Variants in ROCK1 observed in about 807,000 individuals in gnomAD.
ROCK1 encodes the protein rho-associated protein kinase 1.
In ROCK1, 36 loss-of-function variants were observed where a neutral mutation model predicts 196.8. The observed-to-expected ratio is 0.18, with a 90% confidence interval of 0.14 to 0.24. ROCK1 has a LOEUF of 0.24. Among genes scored for constraint, ROCK1 ranks in the 10% least tolerant of loss-of-function variants. The probability of loss-of-function intolerance (pLI) is 1.00; values close to 1 mark genes in which losing one functional copy is unlikely to be tolerated. For synonymous variants in ROCK1, 443 were observed against 515.9 expected (o/e 0.86, Z 1.91); for missense variants, 920 against 1,562.0 (o/e 0.59, Z 6.93).
chr18:21,069,528 T>C (rs2036365870), intron 2 of ROCK1, among the ~76,000 whole-genome samples: 1 of 152,084 alleles, frequency 6.6e-6, no homozygotes, highest in African/African-American at 2.4e-5. Flanking sequence ...AGCAACAAAG[T>C]AGCACAGTTT....
intron 16 of ROCK1, among the ~76,000 whole-genome samples, chr18:21,000,464 C>T (rs796501623): frequency 8.5e-5 from 13 of 152,070 alleles, no homozygotes; most frequent in South Asian, 4.1e-4. Context: ...GGTTTTGCCA[C>T]GTTGCCCAGG....
At chr18:21,076,269 C>CA (rs2036430521) in intron 1 of ROCK1, among the ~76,000 whole-genome samples, 1 of 152,026 alleles carries the variant, frequency 6.6e-6, no homozygotes, top group African/African-American at 2.4e-5. Context: ...TTTGGGAGGC[C>CA]AAGGCAGGAG....
chr18:21,042,878 TATAC>T (rs1280941338), intron 6 of ROCK1, among the ~76,000 whole-genome samples, 169 bp from the exon 7 acceptor site: 1 of 152,154 alleles, frequency 6.6e-6, no homozygotes, highest in Admixed American at 6.6e-5. Context: ...TAATCATATA[TATAC>T]ATACTATATA....
chr18:20,980,949 T>C (rs1337007866), intron 21 of ROCK1, among the ~76,000 whole-genome samples: 1 of 150,116 alleles, frequency 6.7e-6, no homozygotes, highest in Non-Finnish European at 1.5e-5. Flanking sequence ...TATAGCTTAA[T>C]AAAGTGTATT....
chr18:21,028,660 A>G, intron 10 of ROCK1, 116 bp downstream of exon 10: 2 of 833,956 alleles, frequency 2.4e-6, no homozygotes, highest in Non-Finnish European at 3.6e-6. Context: ...TCAATGAAAA[A>G]TTGCATAATA....
At chr18:21,093,645 C>T (rs1358202612) in intron 1 of ROCK1, among the ~76,000 whole-genome samples, 3 of 152,034 alleles carry the variant, frequency 2.0e-5, no homozygotes, top group African/African-American at 7.2e-5. Context: ...TGACCCTACC[C>T]GCCTGATCAC....
intron 1 of ROCK1, among the ~76,000 whole-genome samples, chr18:21,099,013 A>G (rs562144958): frequency 6.6e-6 from 1 of 152,304 alleles, no homozygotes; most frequent in South Asian, 2.1e-4. Flanking sequence ...CTCTTAGGAG[A>G]GGGAGAATAT....
chr18:21,026,548 CAG>C (rs1406888482), intron 10 of ROCK1, among the ~76,000 whole-genome samples: 2 of 150,358 alleles, frequency 1.3e-5, no homozygotes, highest in Non-Finnish European at 2.9e-5. Context: ...ATTATACTCA[CAG>C]AGTGTTAGGG....
chr18:21,004,150 G>A (rs1196814047), intron 16 of ROCK1, among the ~76,000 whole-genome samples: 2 of 152,052 alleles, frequency 1.3e-5, no homozygotes, highest in Non-Finnish European at 2.9e-5. Flanking sequence ...GCAAACATCA[G>A]GGCTGCAGCC....
chr18:21,069,687 A>C (rs1363555212), intron 2 of ROCK1, among the ~76,000 whole-genome samples: 1 of 152,066 alleles, frequency 6.6e-6, no homozygotes, highest in Non-Finnish European at 1.5e-5. Flanking sequence ...AAGCCTCTCC[A>C]TCTTTTTAGT....
intron 16 of ROCK1, among the ~76,000 whole-genome samples, chr18:20,994,813 G>A (rs2035656759): frequency 6.6e-6 from 1 of 152,096 alleles, no homozygotes; most frequent in Non-Finnish European, 1.5e-5. Flanking sequence ...GAACTTACCT[G>A]TGCAATACAC....
intron 8 of ROCK1, among the ~76,000 whole-genome samples, chr18:21,039,967 G>T (rs1871282671): frequency 6.6e-6 from 1 of 152,176 alleles, no homozygotes; most frequent in Admixed American, 6.5e-5. Flanking sequence ...TGAGACAGGA[G>T]AATCGCTTGA....
chr18:21,006,788 A>G lies in ROCK1; in HGVS notation c.1549T>C (p.Ser517Pro). Residue 517 changes from serine to proline, a missense_variant and splice_region_variant, in exon 15 of 33, where the codon TCT becomes CCT. Physicochemically the swap from Ser to Pro is moderately conservative, Grantham distance 74. Around this residue, in one of 6 missense-constraint regions of ROCK1, gnomAD observed 520 missense variants for 657.1 expected, o/e 0.79. Transcript: ENST00000399799. ...TCTTCCAACTGATCCTTTAATGTAG[A>G]AACTAGAAAATGAAAGAATAATATA... The part of the protein sequence containing the change: ...EKRRNVENEV[S>P]TLKDQLEDLK... The G allele has an allele frequency of 6.4e-7, 1 of 1,550,948 alleles. No homozygotes were observed.
intron 1 of ROCK1, among the ~76,000 whole-genome samples, chr18:21,080,112 G>A (rs1383943120): frequency 6.6e-6 from 1 of 152,050 alleles, no homozygotes; most frequent in Non-Finnish European, 1.5e-5. Context: ...GACTCGAGAC[G>A]AAGACCCTGG....
At chr18:21,010,570 A>G (rs1418653695) in intron 13 of ROCK1, among the ~76,000 whole-genome samples, 3 of 152,098 alleles carry the variant, frequency 2.0e-5, no homozygotes, top group African/African-American at 7.2e-5. Context: ...TCATCTGTAC[A>G]TTTTGGTCAG....
chr18:21,070,273 A>C (rs942463324), intron 2 of ROCK1, among the ~76,000 whole-genome samples: 2 of 152,136 alleles, frequency 1.3e-5, no homozygotes, highest in African/African-American at 4.8e-5. Context: ...ACTCAAACTC[A>C]ATGTGCAGTT....
At chr18:21,037,623 A>G (rs1279518901) in intron 9 of ROCK1, among the ~76,000 whole-genome samples, 1 of 152,114 alleles carries the variant, frequency 6.6e-6, no homozygotes, top group Non-Finnish European at 1.5e-5. Flanking sequence ...GACCTCTTAG[A>G]ATTAGGAAAA....
intron 1 of ROCK1, among the ~76,000 whole-genome samples, chr18:21,093,098 AT>A (rs2036584638): frequency 6.6e-6 from 1 of 152,206 alleles, no homozygotes; most frequent in Non-Finnish European, 1.5e-5. Flanking sequence ...TTTGACTGAG[AT>A]TGATTCAGAT....
intron 1 of ROCK1, among the ~76,000 whole-genome samples, chr18:21,096,523 G>A (rs1317676038): frequency 1.3e-5 from 2 of 152,142 alleles, no homozygotes; most frequent in East Asian, 1.9e-4. Context: ...TTTATGTTGG[G>A]TTCTATCACT....
Sources: allele counts gnomAD v4.1 joint callset (sites outside exome capture counted in the v4.1 genomes callset), GRCh38; gene constraint gnomAD v4.1.1; regional missense constraint gnomAD v4.1.1; transcripts MANE v1.5; gene names NCBI Gene and HGNC (gene_info 2026-07-23, HGNC 2026-07-21).